Variants in PGM5 observed in about 807,000 individuals in gnomAD.
PGM5 encodes phosphoglucomutase-like protein 5.
PGM5 carries 23 observed loss-of-function variants against 59.2 expected under a neutral mutation model. The observed-to-expected ratio is 0.39, with a 90% CI of 0.28 to 0.55. PGM5 has a LOEUF of 0.55. Ranked by LOEUF, PGM5 falls within the 20% of genes least tolerant of loss-of-function variation. The probability of loss-of-function intolerance (pLI) is 0.66; values close to 1 mark genes in which losing one functional copy is unlikely to be tolerated. For synonymous variants in PGM5, 214 were observed against 286.0 expected (o/e 0.75, Z 2.54); for missense variants, 574 against 748.3 (o/e 0.77, Z 2.72).
At chr9:68,460,892 A>G (rs1373355233) in intron 6 of PGM5, among the ~76,000 whole-genome samples, 2 of 152,148 alleles carry the variant, frequency 1.3e-5, no homozygotes, top group African/African-American at 4.8e-5. Context: ...GTGGAGGGAA[A>G]GTGTTCAGTA....
intron 6 of PGM5, among the ~76,000 whole-genome samples, chr9:68,432,502 T>C (rs1245677904): frequency 6.6e-6 from 1 of 151,946 alleles, no homozygotes; most frequent in East Asian, 1.9e-4. Context: ...TGCCTGACCA[T>C]GTTTTAAACA....
chr9:68,500,026 G>A (rs1380687866), intron 10 of PGM5, among the ~76,000 whole-genome samples: 1 of 152,160 alleles, frequency 6.6e-6, no homozygotes. Flanking sequence ...TCACTTTAAT[G>A]TTGGGTACTT....
At chr9:68,442,246 A>C (rs1434958909) in intron 6 of PGM5, among the ~76,000 whole-genome samples, 1 of 152,224 alleles carries the variant, frequency 6.6e-6, no homozygotes. Context: ...GAGGCAGAAC[A>C]ATTTTCAAAA....
intron 6 of PGM5, among the ~76,000 whole-genome samples, chr9:68,443,720 T>A (rs1823566414): frequency 1.3e-5 from 2 of 152,258 alleles, no homozygotes; most frequent in Admixed American, 6.5e-5. Flanking sequence ...GTAGAGAGTC[T>A]GAGAGTCCTT....
chr9:68,375,292 C>A (rs183232211), intron 1 of PGM5, among the ~76,000 whole-genome samples: 3 of 152,290 alleles, frequency 2.0e-5, no homozygotes, highest in African/African-American at 7.2e-5. Context: ...CACAAAAAGG[C>A]AAAAATGCCA....
intron 10 of PGM5, among the ~76,000 whole-genome samples, chr9:68,528,678 C>T (rs992709033): frequency 6.6e-6 from 1 of 152,212 alleles, no homozygotes; most frequent in African/African-American, 2.4e-5. Flanking sequence ...CATTCAGTGA[C>T]ATTACATTCT....
intron 6 of PGM5, among the ~76,000 whole-genome samples, chr9:68,440,459 G>A (rs1387279778): frequency 6.6e-6 from 1 of 152,064 alleles, no homozygotes; most frequent in East Asian, 1.9e-4. Flanking sequence ...ATGCTTGGAA[G>A]GTAAACAATA....
chr9:68,396,406 C>G lies in PGM5; in HGVS notation c.1043+3933C>G, dbSNP rs530547682. On this transcript the variant is annotated intron_variant, in intron 6 of 10. Transcript: ENST00000396396. The stretch of plus-strand genomic sequence containing the variant: ...TTGTCCCCTGTGGGCTAGCAAATAA[C>G]TTTCCAAACCATGGCTAGGGGAGGC... The G allele has an allele frequency of 3.4e-3, 522 of 152,286 alleles. 1 individual carries two copies. Among genetic ancestry groups the G allele is most frequent in the African/African-American group, 0.012 (494 of 41,580 alleles). 9.4% of individuals were successfully genotyped at this position (152,286 alleles called of 1,614,324 possible).
At chr9:68,378,475 A>G in intron 2 of PGM5, 114 bp downstream of exon 2, 5 of 1,335,762 alleles carry the variant, frequency 3.7e-6, no homozygotes, top group Non-Finnish European at 3.0e-6. Context: ...CCTAGCTCAG[A>G]AAAATTCAGT....
At chr9:68,423,651 CTCTG>C (rs782441512) in intron 6 of PGM5, among the ~76,000 whole-genome samples, 3,715 of 97,938 alleles carry the variant, frequency 0.038, 55 homozygotes, top group Non-Finnish European at 0.056. Flanking sequence ...CTCTCTCTCT[CTCTG>C]TCTCTCTCTC....
chr9:68,357,465 C>A, intron 1 of PGM5, 77 bp downstream of exon 1: 2 of 1,519,442 alleles, frequency 1.3e-6, no homozygotes, highest in Non-Finnish European at 1.8e-6. Context: ...CCTGCTGCCT[C>A]CGGGCCCAGT....
At chr9:68,494,422 A>T (rs1442086080) in intron 9 of PGM5, among the ~76,000 whole-genome samples, 3 of 152,210 alleles carry the variant, frequency 2.0e-5, no homozygotes, top group Non-Finnish European at 4.4e-5. Flanking sequence ...TATAAGGGAC[A>T]TGTAGCACAG....
intron 6 of PGM5, among the ~76,000 whole-genome samples, chr9:68,439,150 C>A (rs935810645): frequency 1.3e-5 from 2 of 151,918 alleles, no homozygotes; most frequent in East Asian, 3.9e-4. Context: ...ATTACTTGAG[C>A]CCAGGAGTTC....
chr9:68,357,158 G>C lies in PGM5; in HGVS notation c.31G>C (p.Val11Leu). 2 of 1,534,848 alleles carry C rather than the reference G, an allele frequency of 1.3e-6. No individual in the cohort carries two copies. Among genetic ancestry groups the C allele is most frequent in the Non-Finnish European group, 8.7e-7 (1 of 1,144,950 alleles). The change falls in exon 1 of 11, where the codon GTG becomes CTG. Residue 11 changes from valine to leucine, a missense_variant. Around this residue, in one of 7 missense-constraint regions of PGM5, gnomAD observed 60 missense variants for 71.0 expected, o/e 0.85. Coordinates refer to ENST00000396396, the MANE Select transcript of PGM5 (RefSeq NM_021965.4). ...GGGGAGCCCCATCCCGGTGCTGACA[G>C]TGCCCACCGCGCCCTACGAGGACCA... MEGSPIPVLT[V>L]PTAPYEDQRP...
intron 6 of PGM5, among the ~76,000 whole-genome samples, chr9:68,402,089 C>A (rs1554680703): frequency 6.6e-6 from 1 of 152,024 alleles, no homozygotes; most frequent in African/African-American, 2.4e-5. Context: ...ATGGCGAAGC[C>A]CCTGTCTCTA....
At chr9:68,444,062 C>CTTTT (rs71920005) in intron 6 of PGM5, among the ~76,000 whole-genome samples, 15 of 131,582 alleles carry the variant, frequency 1.1e-4, no homozygotes, top group Non-Finnish European at 1.3e-4. Context: ...TTCTTTCTTT[C>CTTTT]TTTTTTTTTT....
chr9:68,357,717 T>A (rs541215542), intron 1 of PGM5: 1 of 384,300 alleles, frequency 2.6e-6, no homozygotes, highest in South Asian at 2.7e-5. Flanking sequence ...TCGGACATTC[T>A]CTTACCCGGC....
At chr9:68,482,769 T>G (rs1326950479) in intron 8 of PGM5, among the ~76,000 whole-genome samples, 2 of 152,246 alleles carry the variant, frequency 1.3e-5, no homozygotes, top group African/African-American at 4.8e-5. Context: ...AAATATAGTT[T>G]ATTTATGGTG....
At chr9:68,412,466 C>G (rs1554681670) in intron 6 of PGM5, among the ~76,000 whole-genome samples, 1 of 152,192 alleles carries the variant, frequency 6.6e-6, no homozygotes, top group Non-Finnish European at 1.5e-5. Flanking sequence ...ACTCAGTGTT[C>G]CCTACTTCCT....
Sources: allele counts gnomAD v4.1 joint callset (sites outside exome capture counted in the v4.1 genomes callset), GRCh38; gene constraint gnomAD v4.1.1; regional missense constraint gnomAD v4.1.1; transcripts MANE v1.5; gene names NCBI Gene and HGNC (gene_info 2026-07-23, HGNC 2026-07-21).